Variants in FSTL4 observed in about 807,000 individuals in gnomAD.
FSTL4 encodes follistatin-related protein 4.
Under a neutral mutation model 78.2 loss-of-function variants are expected in FSTL4, and 28 were observed. The observed-to-expected ratio is 0.36, with a 90% CI of 0.27 to 0.49. FSTL4 has a LOEUF of 0.49. Among genes scored for constraint, FSTL4 ranks in the 20% least tolerant of loss-of-function variants. FSTL4 has a pLI of 0.98. For synonymous variants in FSTL4, 422 were observed against 440.5 expected, an observed-to-expected ratio of 0.96 and a Z score of 0.53; for missense variants, 922 against 1,084.9, an observed-to-expected ratio of 0.85 and a Z score of 2.11.
At chr5:133,286,463 T>C (rs1204486082) in intron 6 of FSTL4, among the ~76,000 whole-genome samples, 1 of 152,238 alleles carries the variant, frequency 6.6e-6, no homozygotes, top group Non-Finnish European at 1.5e-5. Context: ...GAGCACGTTT[T>C]TGATGTACAT....
At chr5:133,711,856 T>A in the FSTL4 span, among the ~76,000 whole-genome samples, 1 of 151,990 alleles carries the variant, frequency 6.6e-6, no homozygotes, top group Middle Eastern at 3.4e-3. Flanking sequence ...AGAGGAAAAA[T>A]GGTGGAAGGA....
intron 4 of FSTL4, among the ~76,000 whole-genome samples, chr5:133,339,585 T>C (rs892657206): frequency 6.6e-6 from 1 of 152,136 alleles, no homozygotes; most frequent in Non-Finnish European, 1.5e-5. Context: ...TCAACAAACA[T>C]GTGCCAGATA....
At chr5:133,206,738 T>C (rs564581700) in intron 14 of FSTL4, among the ~76,000 whole-genome samples, 1 of 152,294 alleles carries the variant, frequency 6.6e-6, no homozygotes, top group Admixed American at 6.5e-5. Context: ...CTATTTTTGT[T>C]TGCTTTTTTC....
At chr5:133,793,457 A>G in the FSTL4 span, among the ~76,000 whole-genome samples, 1 of 152,234 alleles carries the variant, frequency 6.6e-6, no homozygotes. Flanking sequence ...CCTGTGAGAT[A>G]GGCACTACGT....
chr5:133,707,558 G>GGAGCCCA, the FSTL4 span, among the ~76,000 whole-genome samples: 1 of 152,344 alleles, frequency 6.6e-6, no homozygotes, highest in East Asian at 1.9e-4. Context: ...ACAGGAGCCT[G>GGAGCCCA]GAGCCCAGAG....
intron 6 of FSTL4, among the ~76,000 whole-genome samples, chr5:133,279,994 G>A (rs1480685211): frequency 6.6e-6 from 1 of 152,230 alleles, no homozygotes; most frequent in Admixed American, 6.5e-5. Flanking sequence ...GGAGCCACCA[G>A]AAGTGGAAGA....
the FSTL4 span, among the ~76,000 whole-genome samples, chr5:133,650,276 G>A: frequency 6.6e-6 from 1 of 152,120 alleles, no homozygotes; most frequent in African/African-American, 2.4e-5. Context: ...TGAAGTTTGA[G>A]GGGACAAATA....
chr5:133,354,933 G>A (rs993079699), intron 4 of FSTL4, among the ~76,000 whole-genome samples: 19 of 152,228 alleles, frequency 1.2e-4, no homozygotes, highest in African/African-American at 4.6e-4. Context: ...CCTGCTCTGT[G>A]CCTGCTGGCT....
chr5:133,352,339 T>TACACACATATATATAC (rs60193841), intron 4 of FSTL4, among the ~76,000 whole-genome samples: 1 of 139,246 alleles, frequency 7.2e-6, no homozygotes, highest in East Asian at 2.3e-4. Context: ...CACATATATA[T>TACACACATATATATAC]ATACACATAT....
chr5:133,272,398 G>A lies in FSTL4; in HGVS notation c.728-22822C>T, dbSNP rs144624334. ...GGTAAGGAGGGCATGATGGAAAGCC[G>A]GCGTGGAGGGAGAGAGGAGGCACGC... On this transcript the variant is annotated intron_variant, in intron 6 of 15. Coordinates refer to ENST00000265342, the MANE Select transcript of FSTL4 (RefSeq NM_015082.2). 5.1e-3 allele frequency among the ~76,000 whole-genome samples: 777 copies of A among 152,318 alleles called. 8 individuals are homozygous for A. The highest frequency in any genetic ancestry group is 0.018 in the African/African-American group (741 of 41,574).
chr5:133,832,965 G>T, the FSTL4 span, among the ~76,000 whole-genome samples: 1 of 151,790 alleles, frequency 6.6e-6, no homozygotes, highest in East Asian at 1.9e-4. Context: ...AAAATCTTTT[G>T]TTTTTTTAAC....
At chr5:133,803,147 G>A in the FSTL4 span, among the ~76,000 whole-genome samples, 1 of 152,132 alleles carries the variant, frequency 6.6e-6, no homozygotes, top group Non-Finnish European at 1.5e-5. Context: ...CTTACCTGAA[G>A]GCAAGCACCC....
intron 3 of FSTL4, among the ~76,000 whole-genome samples, chr5:133,489,343 T>C (rs763788807): frequency 1.3e-5 from 2 of 152,184 alleles, no homozygotes; most frequent in East Asian, 3.9e-4. Context: ...AATAATGTAA[T>C]AATCCTACAC....
intron 3 of FSTL4, among the ~76,000 whole-genome samples, chr5:133,491,793 T>C (rs568918403): frequency 6.6e-6 from 1 of 152,214 alleles, no homozygotes; most frequent in African/African-American, 2.4e-5. Flanking sequence ...TCTTTGTAAA[T>C]AGCACATCCG....
chr5:133,621,007 A>C, the FSTL4 span, among the ~76,000 whole-genome samples: 1,519 of 152,326 alleles, frequency 1.0e-2, 24 homozygotes, highest in African/African-American at 0.034. Context: ...TAATTGCAAA[A>C]TCGTGGAACC....
At chr5:133,355,806 A>G (rs1305537399) in intron 4 of FSTL4, among the ~76,000 whole-genome samples, 2 of 152,152 alleles carry the variant, frequency 1.3e-5, no homozygotes, top group Non-Finnish European at 2.9e-5. Context: ...CAGACTCAGA[A>G]TTCTGTTTTT....
At chr5:133,244,272 A>T (rs930234902) in intron 7 of FSTL4, 1 of 152,352 alleles carries the variant, frequency 6.6e-6, no homozygotes, top group African/African-American at 2.4e-5. Flanking sequence ...ACCAGACACA[A>T]GCACAGGCAC....
At chr5:133,428,166 G>A (rs1756866110) in intron 3 of FSTL4, among the ~76,000 whole-genome samples, 2 of 152,288 alleles carry the variant, frequency 1.3e-5, no homozygotes, top group South Asian at 2.1e-4. Flanking sequence ...ACACTTACAC[G>A]ATGAAAAACT....
chr5:133,748,804 A>G, the FSTL4 span, among the ~76,000 whole-genome samples: 1 of 152,184 alleles, frequency 6.6e-6, no homozygotes, highest in African/African-American at 2.4e-5. Context: ...CAGCAGCCCC[A>G]ACCCCTTCTA....
Sources: gnomAD v4.1 joint callset for allele counts (sites outside exome capture counted in the v4.1 genomes callset) on GRCh38, gnomAD v4.1.1 for gene constraint, MANE v1.5 for transcripts, NCBI Gene and HGNC (gene_info 2026-07-23, HGNC 2026-07-21) for gene names.